The following TRMT9B variants were observed in gnomAD, a reference collection of about 807,000 sequenced individuals.
TRMT9B encodes the protein tRNA methyltransferase 9B (putative).
A neutral mutation model predicts 11.5 loss-of-function variants in TRMT9B; 16 were observed. The observed-to-expected ratio is 1.39, with a 90% CI of 0.94 to 2.11. The LOEUF (loss-of-function observed/expected upper bound fraction) is 2.11. TRMT9B is among the 30% of genes most tolerant of loss of function. The pLI is 0.00. For synonymous variants in TRMT9B, 274 were observed against 192.4 expected (o/e 1.42, Z -3.51); for missense variants, 941 against 553.8 (o/e 1.70, Z -7.02).
rs1814183664 is a variant in TRMT9B, at chr8:13,022,918, G to A, written c.*874G>A. 6.0e-6 allele frequency: 1 copy of A among 166,564 alleles called. No homozygotes were observed. Among genetic ancestry groups the A allele is most frequent in the Non-Finnish European group, 1.5e-5 (1 of 68,126 alleles). The allele number at this position is 166,564 out of a possible 1,614,324, so 10.3% of individuals were successfully genotyped here. On this transcript the variant is annotated 3_prime_UTR_variant, in exon 5 of 5. Coordinates refer to ENST00000524591, the MANE Select transcript of TRMT9B (RefSeq NM_020844.3). The stretch of plus-strand genomic sequence containing the variant: ...GGATCACGTGAGCCCAGGAATTCAA[G>A]GCTGCAGTGAACTATGATTGCATCA...
intron 1 of TRMT9B, among the ~76,000 whole-genome samples, chr8:12,956,190 A>G (rs937552063): frequency 3.3e-5 from 5 of 152,202 alleles, no homozygotes; most frequent in Admixed American, 2.6e-4. Context: ...AGAGGGATGC[A>G]CACTTGAAGG....
intron 1 of TRMT9B, among the ~76,000 whole-genome samples, chr8:12,946,666 C>T (rs1800281288): frequency 1.3e-5 from 2 of 152,148 alleles, no homozygotes; most frequent in Admixed American, 1.3e-4. Flanking sequence ...AGCGTTTTTC[C>T]TTGCAGTTAG....
chr8:12,956,765 G>C (rs1801371322), intron 1 of TRMT9B, among the ~76,000 whole-genome samples: 1 of 152,182 alleles, frequency 6.6e-6, no homozygotes, highest in Admixed American at 6.5e-5. Context: ...GACATGACTT[G>C]TTTATTGGAG....
At chr8:12,997,270 TTGC>T (rs1461410859) in intron 2 of TRMT9B, among the ~76,000 whole-genome samples, 1 of 147,590 alleles carries the variant, frequency 6.8e-6, no homozygotes, top group African/African-American at 2.4e-5. Flanking sequence ...GGGTGACTTC[TTGC>T]TCTATCAGTT....
intron 1 of TRMT9B, among the ~76,000 whole-genome samples, chr8:12,976,427 C>G (rs918546178): frequency 6.6e-6 from 1 of 151,072 alleles, no homozygotes; most frequent in Admixed American, 6.6e-5. Flanking sequence ...GTGTGAGATA[C>G]TATATATTAG....
chr8:13,028,694 G>C lies in TRMT9B; in HGVS notation c.*6650G>C, dbSNP rs60362859. On this transcript the variant is annotated 3_prime_UTR_variant, in exon 5 of 5. Coordinates refer to ENST00000524591, the MANE Select transcript of TRMT9B (RefSeq NM_020844.3). ...AGGTTTAAGCAATTCTCGTGCCTCAGCCTCCTGAATAGCTGGGATTACAGG... is the reference window on the plus strand; with the variant it reads ...AGGTTTAAGCAATTCTCGTGCCTCACCCTCCTGAATAGCTGGGATTACAGG... The C allele has an allele frequency of 0.3, 44,998 of 151,228 alleles. 7,499 individuals are homozygous for C. The highest frequency in any genetic ancestry group is 0.6 in the East Asian group (3,068 of 5,074). 9.4% of individuals were successfully genotyped at this position (151,228 alleles called of 1,614,324 possible).
intron 1 of TRMT9B, among the ~76,000 whole-genome samples, chr8:12,979,309 A>G (rs905842203): frequency 6.6e-6 from 1 of 152,128 alleles, no homozygotes; most frequent in African/African-American, 2.4e-5. Context: ...TTGGCAGCCT[A>G]TAGATTCTCA....
intron 4 of TRMT9B, among the ~76,000 whole-genome samples, chr8:13,013,105 A>ATT (rs1380539167): frequency 6.6e-6 from 1 of 152,198 alleles, no homozygotes; most frequent in Non-Finnish European, 1.5e-5. Context: ...ATTCATTCCA[A>ATT]TTTCTTTTGA....
intron 1 of TRMT9B, among the ~76,000 whole-genome samples, chr8:12,990,050 G>T (rs1401078413): frequency 6.6e-6 from 1 of 152,190 alleles, no homozygotes; most frequent in Non-Finnish European, 1.5e-5. Context: ...ACGCATCTCT[G>T]AGTAGAAAAC....
intron 1 of TRMT9B, among the ~76,000 whole-genome samples, chr8:12,986,779 C>T (rs1012736262): frequency 7.2e-5 from 11 of 152,178 alleles, no homozygotes; most frequent in African/African-American, 2.7e-4. Context: ...CTGCATGAGT[C>T]ACCAGGTCCT....
chr8:12,956,181 G>C (rs1300467362), intron 1 of TRMT9B, among the ~76,000 whole-genome samples: 2 of 152,212 alleles, frequency 1.3e-5, no homozygotes, highest in Non-Finnish European at 2.9e-5. Flanking sequence ...CTCAAAGGTA[G>C]AGGGATGCAC....
intron 2 of TRMT9B, among the ~76,000 whole-genome samples, chr8:12,997,333 C>G (rs1177046826): frequency 6.6e-6 from 1 of 152,140 alleles, no homozygotes; most frequent in Non-Finnish European, 1.5e-5. Flanking sequence ...TCCCCTCTCT[C>G]TTGCTCCCTC....
intron 4 of TRMT9B, among the ~76,000 whole-genome samples, chr8:13,017,458 A>G (rs889950599): frequency 6.6e-6 from 1 of 152,140 alleles, no homozygotes; most frequent in Non-Finnish European, 1.5e-5. Context: ...AACAAAAGGG[A>G]CTTTAAAAAA....
At chr8:12,973,024 T>A (rs1326230379) in intron 1 of TRMT9B, among the ~76,000 whole-genome samples, 1 of 152,196 alleles carries the variant, frequency 6.6e-6, no homozygotes, top group Non-Finnish European at 1.5e-5. Context: ...GCCACCATTC[T>A]GCTTTCTGTC....
chr8:12,995,717 A>G (rs769397240), intron 2 of TRMT9B, among the ~76,000 whole-genome samples: 22 of 152,110 alleles, frequency 1.4e-4, no homozygotes, highest in Non-Finnish European at 2.9e-5. Context: ...TTCATCTATT[A>G]GTTGTGTGTG....
In TRMT9B at chr8:13,025,046, C is replaced by G. The variant is rs974420865; in HGVS notation, c.*3002C>G. On this transcript the variant is annotated 3_prime_UTR_variant, in exon 5 of 5. Coordinates refer to ENST00000524591, the MANE Select transcript of TRMT9B (RefSeq NM_020844.3). ...GATTTGTGAATGCTGTCGGCCTCAA[C>G]TTGCTTGATGATAGATTCTACTGAC... is the stretch of plus-strand genomic sequence containing the variant. 2.4e-5 allele frequency: 4 copies of G among 167,032 alleles called. No individual in the cohort carries two copies. Among genetic ancestry groups the G allele is most frequent in the African/African-American group, 4.8e-5 (2 of 41,422 alleles). 10.3% of individuals were successfully genotyped at this position (167,032 alleles called of 1,614,324 possible).
At chr8:12,951,541 C>G (rs1447888033) in intron 1 of TRMT9B, 1 of 152,204 alleles carries the variant, frequency 6.6e-6, no homozygotes, top group Non-Finnish European at 1.5e-5. Context: ...AGCCTCACTT[C>G]CCGGGCACGT....
intron 1 of TRMT9B, chr8:12,960,118 G>A (rs893502050): frequency 6.6e-6 from 1 of 152,126 alleles, no homozygotes; most frequent in Non-Finnish European, 1.5e-5. Context: ...GGAAAGTAAT[G>A]TCCATGCCTC....
In TRMT9B at chr8:12,990,845, C is replaced by A. The variant is rs990244255; in HGVS notation, c.-188C>A. Reference sequence around the variant, plus strand: ...TTTCTTCCTGATAGGGCCTGTGCTTCCTTCAGAGACTCACACAAGAGGTTT... The same window carrying A: ...TTTCTTCCTGATAGGGCCTGTGCTTACTTCAGAGACTCACACAAGAGGTTT... On this transcript the variant is annotated 5_prime_UTR_variant, in exon 2 of 5. Coordinates refer to ENST00000524591, the MANE Select transcript of TRMT9B (RefSeq NM_020844.3). The A allele has an allele frequency of 7.8e-7, 1 of 1,289,070 alleles. No individual in the cohort carries two copies. Among genetic ancestry groups the A allele is most frequent in the African/African-American group, 1.5e-5 (1 of 65,850 alleles). 79.9% of individuals were successfully genotyped at this position (1,289,070 alleles called of 1,614,324 possible).
Sources: gnomAD v4.1 joint callset for allele counts (sites outside exome capture counted in the v4.1 genomes callset) on GRCh38, gnomAD v4.1.1 for gene constraint, MANE v1.5 for transcripts, NCBI Gene and HGNC (gene_info 2026-07-23, HGNC 2026-07-21) for gene names.